RPS6KA2: variants seen among roughly 807,000 people sequenced by gnomAD.
RPS6KA2 encodes ribosomal protein S6 kinase A2.
Under a neutral mutation model 91.8 loss-of-function variants are expected in RPS6KA2, and 42 were observed. The observed-to-expected ratio is 0.46, with a 90% confidence interval of 0.36 to 0.59. The LOEUF is 0.59. Ranked by LOEUF, RPS6KA2 falls within the 20% of genes least tolerant of loss-of-function variation. The probability of loss-of-function intolerance (pLI) is 0.00; values close to 1 mark genes in which losing one functional copy is unlikely to be tolerated. For synonymous variants in RPS6KA2, 414 were observed against 393.6 expected, an observed-to-expected ratio of 1.05 and a Z score of -0.61; for missense variants, 798 against 978.5, an observed-to-expected ratio of 0.82 and a Z score of 2.46.
intron 2 of RPS6KA2, among the ~76,000 whole-genome samples, chr6:166,704,987 T>C (rs538321192): frequency 2.6e-5 from 4 of 152,354 alleles, no homozygotes; most frequent in Admixed American, 1.3e-4. Flanking sequence ...AAGGTTTGGG[T>C]GTTCTATCCC....
intron 1 of RPS6KA2, among the ~76,000 whole-genome samples, chr6:166,558,621 A>C (rs1341115948): frequency 6.6e-6 from 1 of 152,202 alleles, no homozygotes; most frequent in African/African-American, 2.4e-5. Context: ...GCCATTCTCC[A>C]ACAGGATGGC....
At chr6:166,504,413 A>G in intron 6 of RPS6KA2, 93 bp downstream of exon 6, 1 of 748,682 alleles carries the variant, frequency 1.3e-6, no homozygotes, top group Non-Finnish European at 2.3e-6. Context: ...TCATTTAGGA[A>G]ATAAATATCT....
chr6:166,684,676 C>T (rs78046351), intron 2 of RPS6KA2, among the ~76,000 whole-genome samples: 2,263 of 152,274 alleles, frequency 0.015, 58 homozygotes, highest in African/African-American at 0.052. Flanking sequence ...GCCCCAGAGG[C>T]CCCAGGAATC....
intron 3 of RPS6KA2, among the ~76,000 whole-genome samples, chr6:166,528,624 C>G (rs555880771): frequency 2.3e-4 from 35 of 151,648 alleles, no homozygotes; most frequent in South Asian, 2.1e-4. Flanking sequence ...CCATCAGAGT[C>G]AACAGGCAAC....
rs1562459095 is a variant in RPS6KA2, at chr6:166,825,678, C to G, written c.123+32522G>C. On this transcript the variant is annotated intron_variant, in intron 2 of 21. Transcript: ENST00000503859. The surrounding 1 kb of genome is among the most constrained non-coding windows in gnomAD (Gnocchi z 4.1). ...CCACTTCCTAGTACATAGACAGCAA[C>G]TTCTCCCTGTGTCCCCGGTGGTGGA... Among the ~76,000 whole-genome samples, 1 of 152,208 alleles carries G rather than the reference C, an allele frequency of 6.6e-6. No individual in the cohort carries two copies. Among genetic ancestry groups the G allele is most frequent in the South Asian group, 2.1e-4 (1 of 4,828 alleles).
chr6:166,491,548 G>T (rs557932539), intron 8 of RPS6KA2, among the ~76,000 whole-genome samples: 4 of 152,322 alleles, frequency 2.6e-5, no homozygotes, highest in African/African-American at 4.8e-5. Context: ...AATCTAAGTG[G>T]AATGTGCCCA....
In RPS6KA2 at chr6:166,498,747, C is replaced by G. The variant is rs1017309942; in HGVS notation, c.605-97G>C. 16 of 1,490,506 alleles carry G rather than the reference C, an allele frequency of 1.1e-5. No individual in the cohort carries two copies. In the South Asian group the frequency reaches 1.9e-4, roughly 17 times the overall value. 92.3% of individuals were successfully genotyped at this position (1,490,506 alleles called of 1,614,324 possible). ...TCAGCGTCCTTCTGTGGGCTCTGCC[C>G]CCTCTCCAGGTGGGCGCAGCAGAGC... On this transcript the variant is annotated intron_variant, in intron 7 of 20. Transcript: ENST00000265678.
In RPS6KA2 at chr6:166,751,119, C is replaced by A. The variant is rs574279943; in HGVS notation, c.123+107081G>T. ...GGTGACGGCAGGCCTCCAGGTTCAG[C>A]GGTGAAATAGCGGAGCAGTAAGATC... On this transcript the variant is annotated intron_variant, in intron 2 of 21. Transcript: ENST00000503859. 5.9e-5 allele frequency among the ~76,000 whole-genome samples: 9 copies of A among 152,330 alleles called. No homozygotes were observed. The South Asian group carries it at 1.9e-3, about 32-fold the overall frequency.
At chr6:166,510,807 C>G (rs1246180743) in intron 3 of RPS6KA2, among the ~76,000 whole-genome samples, 2 of 151,678 alleles carry the variant, frequency 1.3e-5, no homozygotes, top group Admixed American at 6.6e-5. Context: ...CGTCGTTTTC[C>G]CGACCTAGGA....
intron 2 of RPS6KA2, among the ~76,000 whole-genome samples, chr6:166,748,607 TTTCCC>T (rs1791119606): frequency 1.5e-4 from 5 of 33,012 alleles, no homozygotes; most frequent in East Asian, 3.3e-3. Flanking sequence ...CAGGCCCCCA[TTTCCC>T]TGGGCCCCCA....
intron 2 of RPS6KA2, among the ~76,000 whole-genome samples, chr6:166,716,244 A>T (rs539317024): frequency 6.6e-6 from 1 of 152,308 alleles, no homozygotes; most frequent in South Asian, 2.1e-4. Flanking sequence ...GCCTCTAAAT[A>T]AAGACCAAAC....
At chr6:166,673,819 A>G (rs572391071) in intron 2 of RPS6KA2, among the ~76,000 whole-genome samples, 51 of 152,366 alleles carry the variant, frequency 3.3e-4, no homozygotes, top group African/African-American at 1.2e-3. Context: ...CTGCCAAACT[A>G]AGCTTGCCGT....
chr6:166,569,603 C>G (rs1411611588), intron 1 of RPS6KA2, among the ~76,000 whole-genome samples: 1 of 152,198 alleles, frequency 6.6e-6, no homozygotes, highest in Non-Finnish European at 1.5e-5. Flanking sequence ...AGGGGTCTTT[C>G]TGGTCACTCC....
intron 2 of RPS6KA2, among the ~76,000 whole-genome samples, chr6:166,756,393 T>G (rs1266256981): frequency 6.6e-6 from 1 of 152,274 alleles, no homozygotes; most frequent in East Asian, 1.9e-4. Flanking sequence ...TAGAACACTG[T>G]ATTTCATATT....
intron 2 of RPS6KA2, among the ~76,000 whole-genome samples, chr6:166,713,190 CTT>C: frequency 6.6e-6 from 1 of 152,330 alleles, no homozygotes; most frequent in East Asian, 1.9e-4. Context: ...CACTTTCTCT[CTT>C]TTCAGGGCGG....
At chr6:166,826,310 A>G (rs183698775) in intron 2 of RPS6KA2, among the ~76,000 whole-genome samples, 11 of 152,346 alleles carry the variant, frequency 7.2e-5, no homozygotes, top group African/African-American at 2.4e-4. Flanking sequence ...GCCACACCTT[A>G]GCTGTTTTTA....
chr6:166,637,280 C>A (rs1363892898), intron 2 of RPS6KA2, among the ~76,000 whole-genome samples: 9 of 152,338 alleles, frequency 5.9e-5, no homozygotes, highest in Non-Finnish European at 1.0e-4. Context: ...ACAGGCCGGG[C>A]CTGGGCCAAG....
intron 1 of RPS6KA2, among the ~76,000 whole-genome samples, chr6:166,607,372 T>C (rs766999537): frequency 9.9e-5 from 15 of 151,758 alleles, no homozygotes; most frequent in Non-Finnish European, 1.9e-4. Flanking sequence ...AGCCAAAAAG[T>C]AGGGACAACC....
chr6:166,851,390 G>A lies in RPS6KA2; in HGVS notation c.123+6810C>T, dbSNP rs569160562. On this transcript the variant is annotated intron_variant, in intron 2 of 21. Coordinates refer to the RPS6KA2 transcript ENST00000503859. ...TTCATGATTTAGCAACGACCTCAAC[G>A]CAGAAGGTGATTCTTGGCTGTGATC... is the stretch of plus-strand genomic sequence containing the variant. Among the ~76,000 whole-genome samples, 4 of 152,316 alleles carry A rather than the reference G, an allele frequency of 2.6e-5. No individual in the cohort carries two copies. The South Asian group carries it at 6.2e-4, about 24-fold the overall frequency.
Sources: allele counts gnomAD v4.1 joint callset (sites outside exome capture counted in the v4.1 genomes callset), GRCh38; gene constraint gnomAD v4.1.1; non-coding constraint Gnocchi (gnomAD v3.1); transcripts MANE v1.5; gene names NCBI Gene and HGNC (gene_info 2026-07-23, HGNC 2026-07-21).